Variants in ROBO1 observed in about 807,000 individuals in gnomAD.
The protein encoded by ROBO1 is roundabout homolog 1.
In ROBO1, 149 loss-of-function variants were observed where a neutral mutation model predicts 195.9. The observed-to-expected ratio is 0.76, with a 90% CI of 0.67 to 0.87. The LOEUF (loss-of-function observed/expected upper bound fraction) is 0.87. Ranked by LOEUF, ROBO1 falls within the 40% of genes least tolerant of loss-of-function variation. The probability of loss-of-function intolerance (pLI) is 0.00; values close to 1 mark genes in which losing one functional copy is unlikely to be tolerated. For missense variants in ROBO1, 1,933 were observed against 2,068.3 expected (o/e 0.93, Z 1.27); for synonymous variants, 816 against 733.2 (o/e 1.11, Z -1.82).
chr3:79,060,431 G>A lies in ROBO1; in HGVS notation c.172+65025C>T, dbSNP rs188155958. Among the ~76,000 whole-genome samples the A allele has an allele frequency of 1.6e-3, 241 of 152,000 alleles. 2 individuals carry two copies. Among genetic ancestry groups the A allele is most frequent in the African/African-American group, 5.6e-3 (234 of 41,478 alleles). On this transcript the variant is annotated intron_variant, in intron 3 of 30. Coordinates refer to ENST00000464233, the MANE Select transcript of ROBO1 (RefSeq NM_002941.4). ...CTAATAAAAACTTGCTGGTTTTGTGGCTCAGGGGGCATCATGGAACCTGCC... is the reference window on the plus strand; with the variant it reads ...CTAATAAAAACTTGCTGGTTTTGTGACTCAGGGGGCATCATGGAACCTGCC...
chr3:79,635,929 A>G (rs1230798667), intron 1 of ROBO1, among the ~76,000 whole-genome samples: 1 of 152,170 alleles, frequency 6.6e-6, no homozygotes, highest in African/African-American at 2.4e-5. Flanking sequence ...TTAGGATATG[A>G]TATTCTATCC....
intron 4 of ROBO1, among the ~76,000 whole-genome samples, chr3:78,846,443 C>A (rs1036831912): frequency 1.3e-5 from 2 of 152,090 alleles, no homozygotes; most frequent in Non-Finnish European, 2.9e-5. Flanking sequence ...TTAGACATTT[C>A]CCTGTGAGTT....
intron 4 of ROBO1, among the ~76,000 whole-genome samples, chr3:78,816,087 C>A (rs2084894139): frequency 6.6e-6 from 1 of 152,124 alleles, no homozygotes; most frequent in South Asian, 2.1e-4. Flanking sequence ...CAGTGCCTGG[C>A]TTAAAAGCTT....
At chr3:78,685,077 G>A (rs2081021366) in intron 10 of ROBO1, among the ~76,000 whole-genome samples, 1 of 151,748 alleles carries the variant, frequency 6.6e-6, no homozygotes, top group Non-Finnish European at 1.5e-5. Context: ...TTTCTTGATT[G>A]CACACACATA....
At chr3:78,952,078 C>T (rs935935559) in intron 3 of ROBO1, among the ~76,000 whole-genome samples, 2 of 151,438 alleles carry the variant, frequency 1.3e-5, no homozygotes, top group African/African-American at 4.8e-5. Context: ...TGTTTCTTAA[C>T]AGACAGAAAA....
At chr3:78,603,067 A>C (rs925738019) in intron 29 of ROBO1, among the ~76,000 whole-genome samples, 2 of 152,156 alleles carry the variant, frequency 1.3e-5, no homozygotes, top group African/African-American at 4.8e-5. Context: ...AACATGGTTT[A>C]TATTTTCTAC....
chr3:79,015,494 G>A (rs928328507), intron 3 of ROBO1, among the ~76,000 whole-genome samples: 1 of 149,706 alleles, frequency 6.7e-6, no homozygotes, highest in Non-Finnish European at 1.5e-5. Flanking sequence ...CTTAAAAGCA[G>A]GTTTTAAGCA....
chr3:79,172,263 A>C (rs2081181260), intron 2 of ROBO1, among the ~76,000 whole-genome samples: 1 of 152,202 alleles, frequency 6.6e-6, no homozygotes, highest in Non-Finnish European at 1.5e-5. Flanking sequence ...TGTTTTAGCC[A>C]GTTGGGTCAA....
chr3:78,763,312 A>G (rs2083151644), intron 4 of ROBO1, among the ~76,000 whole-genome samples: 1 of 152,162 alleles, frequency 6.6e-6, no homozygotes, highest in Non-Finnish European at 1.5e-5. Context: ...AAAATGAACT[A>G]CTGAACACAT....
intron 1 of ROBO1, among the ~76,000 whole-genome samples, chr3:79,699,949 C>T (rs1363742027): frequency 6.6e-6 from 1 of 151,618 alleles, no homozygotes; most frequent in East Asian, 1.9e-4. Flanking sequence ...AGGTACTGAG[C>T]ATAGTACAAA....
intron 22 of ROBO1, 114 bp from the exon 23 acceptor site, chr3:78,636,222 G>A: frequency 3.0e-6 from 2 of 674,096 alleles, no homozygotes; most frequent in Non-Finnish European, 4.8e-6. Flanking sequence ...AGTACAAGTG[G>A]GCTTAAATAA....
chr3:79,235,982 C>T (rs931254928), intron 2 of ROBO1, among the ~76,000 whole-genome samples: 2 of 151,928 alleles, frequency 1.3e-5, no homozygotes, highest in East Asian at 1.9e-4. Flanking sequence ...ATCACAGATA[C>T]GTCCCTTTCT....
intron 3 of ROBO1, among the ~76,000 whole-genome samples, chr3:79,112,806 TAATGGTAAA>T (rs1432512822): frequency 6.6e-6 from 1 of 151,906 alleles, no homozygotes; most frequent in African/African-American, 2.4e-5. Context: ...GAGATATACC[TAATGGTAAA>T]TGATGGGTTA....
In ROBO1 at chr3:78,924,537, G is replaced by A. The variant is rs565594601; in HGVS notation, c.499+14064C>T. ...TTGGATCTGACATTCTAAAAACACT[G>A]AAAAACAAAAAAGAGCTGTAACTGC... On this transcript the variant is annotated intron_variant, in intron 4 of 30. Coordinates refer to ENST00000464233, the MANE Select transcript of ROBO1 (RefSeq NM_002941.4). Among the ~76,000 whole-genome samples the A allele has an allele frequency of 4.9e-4, 74 of 151,788 alleles. 2 individuals are homozygous for A. Among genetic ancestry groups the A allele is most frequent in the Admixed American group, 2.4e-3 (36 of 15,222 alleles).
At chr3:78,763,333 T>C (rs1374361031) in intron 4 of ROBO1, among the ~76,000 whole-genome samples, 2 of 152,196 alleles carry the variant, frequency 1.3e-5, no homozygotes, top group Non-Finnish European at 2.9e-5. Context: ...TTATAGTAAG[T>C]ACATATGGCC....
intron 2 of ROBO1, among the ~76,000 whole-genome samples, chr3:79,356,254 T>C (rs924536536): frequency 2.6e-5 from 4 of 152,146 alleles, no homozygotes; most frequent in African/African-American, 9.7e-5. Context: ...GGCACAAGAA[T>C]CATCCAAACC....
At chr3:79,660,929 T>G (rs1219834036) in intron 1 of ROBO1, among the ~76,000 whole-genome samples, 1 of 152,118 alleles carries the variant, frequency 6.6e-6, no homozygotes, top group Non-Finnish European at 1.5e-5. Context: ...AAGAAAATAA[T>G]TATCAAGTTT....
intron 1 of ROBO1, among the ~76,000 whole-genome samples, chr3:79,747,678 A>G (rs2107459378): frequency 6.6e-6 from 1 of 152,184 alleles, no homozygotes; most frequent in African/African-American, 2.4e-5. Flanking sequence ...CCCACAAACT[A>G]AAAGACATCC....
At chr3:78,873,939 A>G (rs1190263808) in intron 4 of ROBO1, among the ~76,000 whole-genome samples, 1 of 152,022 alleles carries the variant, frequency 6.6e-6, no homozygotes, top group African/African-American at 2.4e-5. Flanking sequence ...AACTTGTCTA[A>G]ATTTGGATTC....
Sources: allele counts gnomAD v4.1 joint callset (sites outside exome capture counted in the v4.1 genomes callset), GRCh38; gene constraint gnomAD v4.1.1; transcripts MANE v1.5; gene names NCBI Gene and HGNC (gene_info 2026-07-23, HGNC 2026-07-21).